PFAS: variants seen among roughly 807,000 people sequenced by gnomAD.
PFAS encodes FGAM synthase.
In PFAS, 97 loss-of-function variants were observed where a neutral mutation model predicts 140.6. That is an observed-to-expected ratio of 0.69 (90% CI 0.59 to 0.82). PFAS has a LOEUF of 0.82. Among genes scored for constraint, PFAS ranks in the 40% least tolerant of loss-of-function variants. PFAS has a pLI of 0.00. For missense variants in PFAS, 1,656 were observed against 1,780.2 expected, an observed-to-expected ratio of 0.93 and a Z score of 1.26; for synonymous variants, 679 against 718.8, an observed-to-expected ratio of 0.94 and a Z score of 0.88.
At chr17:8,258,985 C>CAAA (rs570981517) in intron 11 of PFAS, among the ~76,000 whole-genome samples, 1 of 88,474 alleles carries the variant, frequency 1.1e-5, no homozygotes, top group African/African-American at 4.0e-5. Context: ...GACTCCATCT[C>CAAA]AAAAAAAAAA....
Position 8,268,594 on chromosome 17 carries a change from G to T in PFAS, c.3444G>T (p.Lys1148Asn), listed in dbSNP as rs1228894897. The T allele has an allele frequency of 6.2e-7, 1 of 1,613,176 alleles. No homozygotes were observed. The highest frequency in any genetic ancestry group is 2.2e-5 in the East Asian group (1 of 44,812). Reference protein sequence around the residue: ...RAGAELRRFRKRPDTFSLGVC... With the variant: ...RAGAELRRFRNRPDTFSLGVC... ...GGGCTGAGCTGAGGCGCTTCCGGAA[G>T]CGGCCAGACACCTTCAGCCTGGGCG... Residue 1148 changes from lysine (K) to asparagine (N), a missense_variant, in exon 27 of 28, where the codon AAG becomes AAT. Transcript: ENST00000314666.
At chr17:8,268,050 A>AATATG (rs1989901402) in intron 26 of PFAS, among the ~76,000 whole-genome samples, 43 of 956 alleles carry the variant, frequency 0.045, no homozygotes, top group African/African-American at 0.063. Context: ...ATATTTTTAA[A>AATATG]TATATATATA....
chr17:8,266,167 C>T lies in PFAS; in HGVS notation c.2702-67C>T, dbSNP rs527563830. 65 of 1,598,888 alleles carry T rather than the reference C, an allele frequency of 4.1e-5. No individual in the cohort carries two copies. The African/African-American group carries it at 6.4e-4, about 16-fold the overall frequency. On this transcript the variant is annotated intron_variant, in intron 21 of 27. Coordinates refer to ENST00000314666, the MANE Select transcript of PFAS (RefSeq NM_012393.3). The surrounding 1 kb of genome is among the most constrained non-coding windows in gnomAD (Gnocchi z 5.0). ...ACACACACTCTTGATGGACTGACTC[C>T]GGAAGGTGGGGTGGGGCTGTCAGGT...
rs1286893302 is a variant in PFAS at position 8,269,411 on chromosome 17, G to A, written c.*147G>A. On this transcript the variant is annotated 3_prime_UTR_variant, in exon 28 of 28. Coordinates refer to ENST00000314666, the MANE Select transcript of PFAS (RefSeq NM_012393.3). ...AAAATGCCAAAATCTCAGCGGACTC[G>A]ATAATCTGCCTGCTGATGTTCCTTC... is the stretch of plus-strand genomic sequence containing the variant. The A allele has an allele frequency of 5.6e-5, 34 of 610,920 alleles. No homozygotes were observed. Among genetic ancestry groups the A allele is most frequent in the South Asian group, 2.1e-5 (1 of 47,924 alleles). 37.8% of individuals were successfully genotyped at this position (610,920 alleles called of 1,614,324 possible).
chr17:8,264,854 C>T, intron 17 of PFAS, 41 bp from the exon 18 acceptor site: 1 of 1,396,496 alleles, frequency 7.2e-7, no homozygotes, highest in Non-Finnish European at 9.8e-7. Flanking sequence ...TCAGGCTGTC[C>T]CTGTCCCTTG....
chr17:8,264,359 G>C, intron 16 of PFAS, 22 bp downstream of exon 16: 1 of 1,613,126 alleles, frequency 6.2e-7, no homozygotes, highest in African/African-American at 1.3e-5. Context: ...TGAGGGGATG[G>C]GTTTTTCCTG....
Position 8,262,850 on chromosome 17 carries a change from C to A in PFAS, c.1337-70C>A, listed in dbSNP as rs77375313. On this transcript the variant is annotated intron_variant, in intron 11 of 27. Transcript: ENST00000314666. Reference sequence around the variant, plus strand: ...CTAACATCAGCTTCCTCTGTGTTCACGCTGCCTTGCTTTCGAGGCCTCTTC... The same window carrying A: ...CTAACATCAGCTTCCTCTGTGTTCAAGCTGCCTTGCTTTCGAGGCCTCTTC... 4.4e-3 allele frequency: 5,362 copies of A among 1,216,334 alleles called. 98 individuals are homozygous for A. In the East Asian group the frequency reaches 0.05, roughly 11 times the overall value. 75.3% of individuals were successfully genotyped at this position (1,216,334 alleles called of 1,614,324 possible).
In PFAS at chr17:8,264,266, G is replaced by GC. The variant is rs765860213; in HGVS notation, c.1853dup (p.Thr619AspfsTer65). 1.7e-5 allele frequency: 27 copies of GC among 1,611,996 alleles called. No individual in the cohort carries two copies. Among genetic ancestry groups the GC allele is most frequent in the African/African-American group, 1.3e-5 (1 of 74,812 alleles). ...TGTCAGAAGAAATGGCCAGGGGGAT[G>GC]CCCCCCCGACACCCCTGCCAACCCC... On this transcript the variant is annotated frameshift_variant, in exon 16 of 28. Transcript: ENST00000314666. LOFTEE classifies it high-confidence loss of function.
chr17:8,248,242 C>G (rs1160075087), upstream of PFAS: 1 of 583,318 alleles, frequency 1.7e-6, no homozygotes, highest in African/African-American at 1.9e-5. Context: ...TCTCTTTTCT[C>G]TGATTTTTTT....
chr17:8,265,231 C>T (rs1324985928), intron 18 of PFAS, 57 bp from the exon 19 acceptor site: 5 of 1,586,464 alleles, frequency 3.2e-6, no homozygotes, highest in South Asian at 1.1e-5. Flanking sequence ...TCCGCCTGCA[C>T]CCCTGGCCTC....
intron 1 of PFAS, among the ~76,000 whole-genome samples, chr17:8,251,035 C>A (rs779037870): frequency 8.6e-5 from 13 of 151,362 alleles, no homozygotes; most frequent in African/African-American, 1.2e-4. Context: ...CGCCTATAAT[C>A]CCAGCACTTT....
chr17:8,259,247 T>C (rs942974532), intron 11 of PFAS, among the ~76,000 whole-genome samples: 1 of 152,090 alleles, frequency 6.6e-6, no homozygotes, highest in Admixed American at 6.5e-5. Context: ...TTATTTTTAA[T>C]CTGCATTTTC....
chr17:8,260,097 T>C lies in PFAS; in HGVS notation c.1336+1898T>C, dbSNP rs1989531259. Among the ~76,000 whole-genome samples, 9 of 143,758 alleles carry C rather than the reference T, an allele frequency of 6.3e-5. No individual in the cohort carries two copies. The South Asian group carries it at 2.0e-3, about 32-fold the overall frequency. The allele number at this position is 143,758 out of a possible 152,430, so 94.3% of individuals were successfully genotyped here. A position where few individuals can be genotyped will look rare whatever the true frequency, so the allele number is the denominator to read the frequency against. On this transcript the variant is annotated intron_variant, in intron 11 of 27. Transcript: ENST00000314666. ...GTCTGGACGTAAGAGTGAGACTCTG[T>C]CTCAAAAAAAAAAAAATTTTTTTTT...
At chr17:8,262,623 GTC>G in intron 11 of PFAS, 1 of 317,698 alleles carries the variant, frequency 3.1e-6, no homozygotes, top group Non-Finnish European at 6.1e-6. Flanking sequence ...GTGAAACCCT[GTC>G]TCTACTGAAA....
intron 20 of PFAS, 47 bp from the exon 21 acceptor site, chr17:8,265,815 G>A (rs1320736477): frequency 2.0e-6 from 3 of 1,506,730 alleles, no homozygotes; most frequent in South Asian, 1.2e-5. Flanking sequence ...TCAGGGATGG[G>A]TCCTCCTGAG....
chr17:8,264,060 C>T (rs1444610801), intron 15 of PFAS, 124 bp downstream of exon 15: 3 of 1,457,724 alleles, frequency 2.1e-6, no homozygotes, highest in Non-Finnish European at 2.9e-6. Context: ...GGCAAACAAG[C>T]TGTGGGGAAT....
chr17:8,249,213 G>A (rs1989023220), upstream of PFAS: 1 of 152,152 alleles, frequency 6.6e-6, no homozygotes, highest in Non-Finnish European at 1.5e-5. Context: ...GGTGGCTGGG[G>A]AAAAGTGGGC....
chr17:8,257,057 T>C, intron 9 of PFAS, 94 bp downstream of exon 9: 1 of 1,370,354 alleles, frequency 7.3e-7, no homozygotes, highest in Admixed American at 1.7e-5. Flanking sequence ...AGGGTTATCC[T>C]GTGTGCCTTT....
rs1989697325 is a variant in PFAS at position 8,263,861 on chromosome 17, G to A, written c.1716G>A (p.Arg572=). 7 of 1,614,126 alleles carry A rather than the reference G, an allele frequency of 4.3e-6. No individual in the cohort carries two copies. The African/African-American group carries it at 9.3e-5, about 22-fold the overall frequency. Residue 572 remains arginine, a synonymous_variant, in exon 15 of 28, where the codon CGG becomes CGA. Coordinates refer to ENST00000314666, the MANE Select transcript of PFAS (RefSeq NM_012393.3). ...CTCTTCTGCTGAGGTCCCCCAACCG[G>A]GACTTCCTGACTCATGTCAGTGCCC... The part of the protein sequence containing the change: ...SNALLLRSPN[R]DFLTHVSARE...
Sources: allele counts gnomAD v4.1 joint callset (sites outside exome capture counted in the v4.1 genomes callset), GRCh38; gene constraint gnomAD v4.1.1; non-coding constraint Gnocchi (gnomAD v3.1); transcripts MANE v1.5; gene names NCBI Gene and HGNC (gene_info 2026-07-23, HGNC 2026-07-21).